The following CDX1 variants were observed in gnomAD, a reference collection of about 807,000 sequenced individuals.
CDX1 encodes the protein homeobox protein CDX-1.
CDX1 carries 9 observed loss-of-function variants against 16.9 expected under a neutral mutation model. That is an observed-to-expected ratio of 0.53 (90% confidence interval 0.32 to 0.93). CDX1 has a LOEUF of 0.93. CDX1 is among the 40% of genes least tolerant of loss of function. The probability of loss-of-function intolerance (pLI) is 0.04; values close to 1 mark genes in which losing one functional copy is unlikely to be tolerated. For synonymous variants in CDX1, 179 were observed against 179.0 expected (o/e 1.00, Z 0.00); for missense variants, 393 against 386.1 (o/e 1.02, Z -0.15).
At chr5:150,172,760 G>A (rs562793729) in intron 1 of CDX1, among the ~76,000 whole-genome samples, 1 of 152,222 alleles carries the variant, frequency 6.6e-6, no homozygotes, top group Non-Finnish European at 1.5e-5. Flanking sequence ...GCTGGGAAAG[G>A]GAATGACCCA....
At position 150,166,850 on chromosome 5, in the gene CDX1, G is replaced by A; in HGVS notation, c.-27G>A. 7.0e-7 allele frequency: 1 copy of A among 1,436,546 alleles called. No individual in the cohort carries two copies. Among genetic ancestry groups the A allele is most frequent in the Non-Finnish European group, 9.1e-7 (1 of 1,094,370 alleles). The allele number at this position is 1,436,546 out of a possible 1,614,324, so 89.0% of individuals were successfully genotyped here. On this transcript the variant is annotated 5_prime_UTR_variant, in exon 1 of 3. Transcript: ENST00000231656. ...CCGGCAGCGGCGGCTCCAGGGCCCAGCATGCGCGGGGGACCCCGCGGCCAC... is the reference window on the plus strand; with the variant it reads ...CCGGCAGCGGCGGCTCCAGGGCCCAACATGCGCGGGGGACCCCGCGGCCAC...
rs766624791 is a variant in CDX1, at chr5:150,183,702, C to T, written c.*22C>T. On this transcript the variant is annotated 3_prime_UTR_variant, in exon 3 of 3. Coordinates refer to ENST00000231656, the MANE Select transcript of CDX1 (RefSeq NM_001804.3). ...ATAGCCCCATGCCCAGCCTGTGCGC[C>T]GGGGGACCTGGGGACTCGGGTGCTG... The T allele has an allele frequency of 1.4e-5, 21 of 1,511,156 alleles. No homozygotes were observed. Among genetic ancestry groups the T allele is most frequent in the African/African-American group, 9.7e-5 (7 of 71,956 alleles). The allele number at this position is 1,511,156 out of a possible 1,614,324, so 93.6% of individuals were successfully genotyped here.
In CDX1 at chr5:150,166,863, A is replaced by G. The variant is rs2302274; in HGVS notation, c.-14A>G. 683,490 of 1,455,496 alleles carry G rather than the reference A, an allele frequency of 0.47. 164,906 individuals carry two copies. The highest frequency in any genetic ancestry group is 0.72 in the African/African-American group (48,609 of 67,056). The allele number at this position is 1,455,496 out of a possible 1,614,324, so 90.2% of individuals were successfully genotyped here. On this transcript the variant is annotated 5_prime_UTR_variant, in exon 1 of 3. Coordinates refer to ENST00000231656, the MANE Select transcript of CDX1 (RefSeq NM_001804.3). Reference sequence around the variant, plus strand: ...CTCCAGGGCCCAGCATGCGCGGGGGACCCCGCGGCCACCATGTATGTGGGC... The same window carrying G: ...CTCCAGGGCCCAGCATGCGCGGGGGGCCCCGCGGCCACCATGTATGTGGGC...
At chr5:150,170,513 G>C (rs1197335704) in intron 1 of CDX1, among the ~76,000 whole-genome samples, 1 of 150,500 alleles carries the variant, frequency 6.6e-6, no homozygotes, top group African/African-American at 2.5e-5. Context: ...GGCATCTCTG[G>C]GGAACAGGGG....
chr5:150,183,369 G>A (rs1345219762), intron 2 of CDX1, 105 bp from the exon 3 acceptor site: 3 of 1,049,768 alleles, frequency 2.9e-6, no homozygotes, highest in Non-Finnish European at 4.0e-6. Flanking sequence ...AAGCCACAAA[G>A]CCACATGGAG....
chr5:150,173,455 C>A (rs1761532055), intron 1 of CDX1, among the ~76,000 whole-genome samples: 1 of 152,212 alleles, frequency 6.6e-6, no homozygotes, highest in Admixed American at 6.5e-5. Context: ...AACCTCAGGT[C>A]TTGGCTTAAA....
At chr5:150,177,575 C>G (rs1005229715) in intron 1 of CDX1, among the ~76,000 whole-genome samples, 3 of 152,326 alleles carry the variant, frequency 2.0e-5, no homozygotes, top group Admixed American at 1.3e-4. Context: ...ATCCCACCTG[C>G]CTGATGCGTG....
chr5:150,167,027 G>T lies in CDX1; in HGVS notation c.151G>T (p.Val51Leu). ...QYPDFSSYSH[V>L]EPAPAPPTAW... ...CCCCGACTTCTCCAGCTACTCTCACGTGGAGCCGGCCCCCGCGCCCCCGAC... is the reference window on the plus strand; with the variant it reads ...CCCCGACTTCTCCAGCTACTCTCACTTGGAGCCGGCCCCCGCGCCCCCGAC... Residue 51 changes from valine to leucine, a missense_variant, in exon 1 of 3, where the codon GTG becomes TTG. Coordinates refer to ENST00000231656, the MANE Select transcript of CDX1 (RefSeq NM_001804.3). 2 of 1,425,330 alleles carry T rather than the reference G, an allele frequency of 1.4e-6. No individual in the cohort carries two copies. Among genetic ancestry groups the T allele is most frequent in the Middle Eastern group, 2.4e-4 (1 of 4,214 alleles). The allele number at this position is 1,425,330 out of a possible 1,614,324, so 88.3% of individuals were successfully genotyped here. A position where few individuals can be genotyped will look rare whatever the true frequency, so the allele number is the denominator to read the frequency against.
At chr5:150,181,955 G>A (rs911420133) in intron 1 of CDX1, among the ~76,000 whole-genome samples, 7 of 152,108 alleles carry the variant, frequency 4.6e-5, no homozygotes, top group African/African-American at 1.4e-4. Context: ...ACCAGCCTCC[G>A]GCCTCTGGTG....
At chr5:150,170,795 A>T (rs982288789) in intron 1 of CDX1, among the ~76,000 whole-genome samples, 1 of 152,194 alleles carries the variant, frequency 6.6e-6, no homozygotes, top group Non-Finnish European at 1.5e-5. Context: ...AGACAATATT[A>T]ATCAGTTATG....
At chr5:150,181,971 C>T (rs557850313) in intron 1 of CDX1, among the ~76,000 whole-genome samples, 3 of 152,214 alleles carry the variant, frequency 2.0e-5, no homozygotes, top group African/African-American at 7.2e-5. Flanking sequence ...TGGTGCAGGC[C>T]CAGCTCAGGG....
chr5:150,183,055 GAGGTGCTACCAGCA>G (rs1201040219), intron 2 of CDX1, 142 bp downstream of exon 2: 1 of 1,054,406 alleles, frequency 9.5e-7, no homozygotes, highest in Non-Finnish European at 1.3e-6. Flanking sequence ...AGCAGAAACT[GAGGTGCTACCAGCA>G]CCCTCCCTTA....
intron 1 of CDX1, among the ~76,000 whole-genome samples, chr5:150,181,222 T>C (rs1752409420): frequency 2.0e-5 from 3 of 152,150 alleles, no homozygotes; most frequent in Admixed American, 2.0e-4. Flanking sequence ...GCACTTGCTG[T>C]TCCCTCTGCC....
At chr5:150,180,215 C>T (rs146109425) in intron 1 of CDX1, among the ~76,000 whole-genome samples, 119 of 152,336 alleles carry the variant, frequency 7.8e-4, no homozygotes, top group African/African-American at 2.7e-3. Context: ...GTTTTTGAGC[C>T]GGCGTTGCAT....
chr5:150,169,868 A>C (rs1296633554), intron 1 of CDX1, among the ~76,000 whole-genome samples: 2 of 151,090 alleles, frequency 1.3e-5, no homozygotes, highest in Non-Finnish European at 2.9e-5. Flanking sequence ...AGACGAGGGA[A>C]CCAAGGTACA....
chr5:150,167,374 G>A (rs746249812), intron 1 of CDX1, 53 bp downstream of exon 1: 826 of 1,187,868 alleles, frequency 7.0e-4, no homozygotes, highest in Non-Finnish European at 8.4e-4. Context: ...GCTCGGGCGC[G>A]GCCCAGGCCG....
At chr5:150,179,862 TC>T (rs1442156278) in intron 1 of CDX1, among the ~76,000 whole-genome samples, 2 of 152,242 alleles carry the variant, frequency 1.3e-5, no homozygotes, top group Non-Finnish European at 2.9e-5. Context: ...CTTTGGGGGC[TC>T]CATGGCAGGC....
chr5:150,175,689 T>C (rs1429544472), intron 1 of CDX1, among the ~76,000 whole-genome samples: 1 of 152,140 alleles, frequency 6.6e-6, no homozygotes, highest in African/African-American at 2.4e-5. Flanking sequence ...CCATCCATTG[T>C]AGAGCTGGTG....
At chr5:150,171,374 C>T (rs1179914402) in intron 1 of CDX1, among the ~76,000 whole-genome samples, 2 of 152,170 alleles carry the variant, frequency 1.3e-5, no homozygotes, top group Non-Finnish European at 2.9e-5. Context: ...CTTGCTATGT[C>T]ACCCACGCTG....
Sources: gnomAD v4.1 joint callset for allele counts (sites outside exome capture counted in the v4.1 genomes callset) on GRCh38, gnomAD v4.1.1 for gene constraint, MANE v1.5 for transcripts, NCBI Gene and HGNC (gene_info 2026-07-23, HGNC 2026-07-21) for gene names.